The following NEBL variants were observed in gnomAD, a reference collection of about 807,000 sequenced individuals.
NEBL encodes the protein nebulette, also known as LIM and SH3 protein 2.
In NEBL, 122 loss-of-function variants were observed where a neutral mutation model predicts 140.2. The observed-to-expected ratio is 0.87, with a 90% CI of 0.75 to 1.01. The LOEUF (loss-of-function observed/expected upper bound fraction) is 1.01, where lower values mean the gene tolerates loss of function less well. Ranked by LOEUF, NEBL falls within the 50% of genes least tolerant of loss-of-function variation. NEBL has a pLI of 0.00. For missense variants in NEBL, 1,365 were observed against 1,231.3 expected, an observed-to-expected ratio of 1.11 and a Z score of -1.62; for synonymous variants, 436 against 398.9, an observed-to-expected ratio of 1.09 and a Z score of -1.11.
chr10:20,857,434 C>G (rs532503959), intron 9 of NEBL, among the ~76,000 whole-genome samples: 1 of 152,122 alleles, frequency 6.6e-6, no homozygotes, highest in South Asian at 2.1e-4. Context: ...ATGCCTGGCC[C>G]AAAGCAGATA....
At chr10:20,853,035 C>A (rs923358843) in intron 9 of NEBL, among the ~76,000 whole-genome samples, 1 of 151,660 alleles carries the variant, frequency 6.6e-6, no homozygotes, top group African/African-American at 2.4e-5. Flanking sequence ...TAATACTGTT[C>A]AAAAGAAGAG....
At chr10:21,033,726 C>A (rs560548345) in intron 2 of NEBL, among the ~76,000 whole-genome samples, 4 of 133,606 alleles carry the variant, frequency 3.0e-5, no homozygotes, top group Non-Finnish European at 1.6e-5. Flanking sequence ...GCAACAAGAG[C>A]GAGACTTTGT....
chr10:21,272,118 A>ATTTTTT lies in NEBL; in HGVS notation n.183-20296_183-20291dup, dbSNP rs10678454. On this transcript the variant is annotated intron_variant and non_coding_transcript_variant, in intron 1 of 8. Coordinates refer to the NEBL transcript ENST00000675702. ...AGGCACCCGCCACCACACTTGGTTA[A>ATTTTTT]TTTTTTTTTTTTTTTTTTTTTTTTT... is the stretch of plus-strand genomic sequence containing the variant. 4.5e-3 allele frequency among the ~76,000 whole-genome samples: 359 copies of ATTTTTT among 79,092 alleles called. 21 individuals are homozygous for ATTTTTT. The highest frequency in any genetic ancestry group is 1.0e-2 in the African/African-American group (176 of 17,676). 51.9% of individuals were successfully genotyped at this position (79,092 alleles called of 152,430 possible). A position where few individuals can be genotyped will look rare whatever the true frequency, so the allele number is the denominator to read the frequency against.
chr10:20,917,900 G>T lies in NEBL; in HGVS notation c.357+43772C>A, dbSNP rs191593074. 3.3e-3 allele frequency among the ~76,000 whole-genome samples: 506 copies of T among 152,236 alleles called. 1 individual carries two copies. Among genetic ancestry groups the T allele is most frequent in the African/African-American group, 0.01 (431 of 41,540 alleles). On this transcript the variant is annotated intron_variant, in intron 4 of 6. Coordinates refer to the NEBL transcript ENST00000417816. ...TTTAGGTCATTTAATTGTGTTAAAA[G>T]AAAGATGATATTATAAATAAAATTT...
At chr10:20,937,381 A>G (rs959182940) in intron 4 of NEBL, among the ~76,000 whole-genome samples, 1 of 152,192 alleles carries the variant, frequency 6.6e-6, no homozygotes, top group African/African-American at 2.4e-5. Context: ...TGAGAGATGT[A>G]GGAGAAAACA....
intron 4 of NEBL, among the ~76,000 whole-genome samples, chr10:20,925,713 T>A (rs1477980770): frequency 2.0e-5 from 3 of 147,766 alleles, no homozygotes; most frequent in Non-Finnish European, 3.0e-5. Context: ...GAACAACAAT[T>A]AAAAAAAAAA....
At chr10:20,965,266 T>A (rs1836252264) in intron 3 of NEBL, among the ~76,000 whole-genome samples, 1 of 152,116 alleles carries the variant, frequency 6.6e-6, no homozygotes, top group Non-Finnish European at 1.5e-5. Flanking sequence ...AAGATCTATG[T>A]AGGTCATAAA....
intron 2 of NEBL, among the ~76,000 whole-genome samples, chr10:21,052,279 GA>G (rs1356703775): frequency 1.3e-5 from 2 of 152,198 alleles, no homozygotes; most frequent in African/African-American, 4.8e-5. Context: ...ACACTGGGAA[GA>G]GAGAGCAAAC....
chr10:20,999,924 T>C (rs1367813302), intron 3 of NEBL, among the ~76,000 whole-genome samples: 2 of 152,040 alleles, frequency 1.3e-5, no homozygotes, highest in Non-Finnish European at 2.9e-5. Flanking sequence ...AAAGATCATG[T>C]GATGCAAACC....
At chr10:20,964,674 C>T (rs887397984) in intron 3 of NEBL, among the ~76,000 whole-genome samples, 11 of 152,160 alleles carry the variant, frequency 7.2e-5, no homozygotes, top group African/African-American at 2.7e-4. Context: ...GGACAAACAT[C>T]CAAACCATAT....
At chr10:20,829,437 G>C (rs1403856497) in intron 16 of NEBL, among the ~76,000 whole-genome samples, 3 of 148,134 alleles carry the variant, frequency 2.0e-5, no homozygotes. Flanking sequence ...GGACTGTTGT[G>C]GGGTAGGGGG....
chr10:21,222,375 G>T (rs750962555), intron 3 of NEBL, among the ~76,000 whole-genome samples: 6 of 151,220 alleles, frequency 4.0e-5, no homozygotes, highest in African/African-American at 1.5e-4. Context: ...TTTAAATTAC[G>T]TATTTTGCTT....
At chr10:20,890,575 G>A (rs931961738) in intron 2 of NEBL, among the ~76,000 whole-genome samples, 1 of 152,168 alleles carries the variant, frequency 6.6e-6, no homozygotes, top group Admixed American at 6.5e-5. Flanking sequence ...AACCTGCCCA[G>A]AAAGCTTGCT....
intron 13 of NEBL, among the ~76,000 whole-genome samples, chr10:20,836,804 C>A (rs1840935915): frequency 6.6e-6 from 1 of 152,022 alleles, no homozygotes; most frequent in Admixed American, 6.5e-5. Context: ...CTTTACTCAC[C>A]CTTCAAACTC....
At chr10:21,122,281 C>G (rs1838615983) in intron 2 of NEBL, among the ~76,000 whole-genome samples, 1 of 152,046 alleles carries the variant, frequency 6.6e-6, no homozygotes, top group Admixed American at 6.6e-5. Flanking sequence ...CCACCTCAGC[C>G]TCCCAAAGTA....
intron 2 of NEBL, among the ~76,000 whole-genome samples, chr10:21,097,965 C>T (rs1255535964): frequency 3.3e-5 from 5 of 152,122 alleles, no homozygotes; most frequent in East Asian, 3.9e-4. Flanking sequence ...TGTGACCCTA[C>T]GTGAAATGAA....
intron 2 of NEBL, among the ~76,000 whole-genome samples, chr10:21,120,817 C>T (rs1037966955): frequency 2.6e-5 from 4 of 151,850 alleles, no homozygotes; most frequent in Middle Eastern, 3.4e-3. Context: ...GCTAAATACA[C>T]ACAACTCTGC....
chr10:20,789,329 C>T (rs563959246), intron 26 of NEBL, among the ~76,000 whole-genome samples: 18 of 152,328 alleles, frequency 1.2e-4, no homozygotes, highest in Admixed American at 5.2e-4. Context: ...CACCATTTAA[C>T]TGTGAACTTT....
At chr10:20,815,038 T>TCCTA (rs1336292672) in intron 22 of NEBL, among the ~76,000 whole-genome samples, 3 of 152,212 alleles carry the variant, frequency 2.0e-5, no homozygotes. Flanking sequence ...AGGTGTAAGA[T>TCCTA]ATGGATACCA....
Sources: allele counts gnomAD v4.1 joint callset (sites outside exome capture counted in the v4.1 genomes callset), GRCh38; gene constraint gnomAD v4.1.1; transcripts MANE v1.5; gene names NCBI Gene and HGNC (gene_info 2026-07-23, HGNC 2026-07-21).